Variants in ANKFN1 observed in about 807,000 individuals in gnomAD.
The protein encoded by ANKFN1 is ankyrin repeat and fibronectin type-III domain-containing protein 1.
Under a neutral mutation model 108.7 loss-of-function variants are expected in ANKFN1, and 74 were observed. That is an observed-to-expected ratio of 0.68 (90% CI 0.56 to 0.83). The LOEUF (loss-of-function observed/expected upper bound fraction) is 0.83. ANKFN1 is among the 40% of genes least tolerant of loss of function. The pLI, the probability that ANKFN1 is intolerant of heterozygous loss-of-function variation, is 0.00. For synonymous variants in ANKFN1, 547 were observed against 516.2 expected (o/e 1.06, Z -0.81); for missense variants, 1,505 against 1,382.3 (o/e 1.09, Z -1.41).
chr17:56,169,876 C>T (rs1239443252), intron 1 of ANKFN1, among the ~76,000 whole-genome samples: 1 of 152,178 alleles, frequency 6.6e-6, no homozygotes, highest in Non-Finnish European at 1.5e-5. Context: ...TCCCCTAAGG[C>T]TGCTCTTTGT....
At chr17:56,185,545 G>A (rs879766464) in intron 1 of ANKFN1, among the ~76,000 whole-genome samples, 17 of 152,256 alleles carry the variant, frequency 1.1e-4, no homozygotes, top group Admixed American at 1.1e-3. Flanking sequence ...GTTCTTTGGG[G>A]ACTTAATGTG....
chr17:56,055,582 T>TACACACAC, intron 4 of ANKFN1, among the ~76,000 whole-genome samples: 1 of 112,518 alleles, frequency 8.9e-6, no homozygotes, highest in Admixed American at 8.5e-5. Flanking sequence ...TATATATATA[T>TACACACAC]ATATATGTAT....
intron 4 of ANKFN1, among the ~76,000 whole-genome samples, chr17:56,346,246 A>C (rs965817934): frequency 1.3e-5 from 2 of 152,040 alleles, no homozygotes; most frequent in Non-Finnish European, 2.9e-5. Flanking sequence ...CCGTTGGTCT[A>C]TATCTCTGTT....
intron 4 of ANKFN1, among the ~76,000 whole-genome samples, chr17:56,047,275 G>A (rs1904695160): frequency 6.6e-6 from 1 of 151,794 alleles, no homozygotes; most frequent in Non-Finnish European, 1.5e-5. Context: ...AGGCTTTGAT[G>A]TTTCTCAGCA....
At chr17:56,356,650 T>C (rs1162451418) in intron 6 of ANKFN1, among the ~76,000 whole-genome samples, 1 of 152,188 alleles carries the variant, frequency 6.6e-6, no homozygotes, top group Non-Finnish European at 1.5e-5. Context: ...TTAGTGGAAC[T>C]GGAGGATTTG....
chr17:56,111,659 A>G lies in ANKFN1; in HGVS notation c.288+65334A>G, dbSNP rs192737365. On this transcript the variant is annotated intron_variant, in intron 4 of 12. Coordinates refer to the ANKFN1 transcript ENST00000635860. ...CTTAGGTGACATCTCCCATAGTTCT[A>G]AATTTGTTAAATTACCTGTTTGGGG... Among the ~76,000 whole-genome samples the G allele has an allele frequency of 2.6e-5, 4 of 152,318 alleles. No homozygotes were observed. The East Asian group carries it at 7.7e-4, about 29-fold the overall frequency.
chr17:56,369,990 A>G (rs1375166197), intron 6 of ANKFN1, among the ~76,000 whole-genome samples: 3 of 152,170 alleles, frequency 2.0e-5, no homozygotes, highest in African/African-American at 7.2e-5. Context: ...GACCTATTTA[A>G]TTTCTAAATA....
intron 3 of ANKFN1, chr17:56,258,169 T>C (rs1418450550): frequency 2.0e-5 from 3 of 152,246 alleles, no homozygotes; most frequent in Non-Finnish European, 4.4e-5. Flanking sequence ...TATAGCATTT[T>C]TATTTGCCAT....
intron 6 of ANKFN1, among the ~76,000 whole-genome samples, chr17:56,356,123 C>T (rs759449530): frequency 2.3e-4 from 35 of 152,064 alleles, no homozygotes; most frequent in Non-Finnish European, 4.4e-4. Context: ...GAAAGTTGCA[C>T]TGGGGCTAAT....
intron 4 of ANKFN1, among the ~76,000 whole-genome samples, chr17:56,049,729 T>A (rs1904741868): frequency 6.7e-6 from 1 of 149,216 alleles, no homozygotes; most frequent in African/African-American, 2.5e-5. Context: ...ACTCATCATT[T>A]TTTATGGCTG....
chr17:56,058,317 G>A (rs368030682), intron 4 of ANKFN1, among the ~76,000 whole-genome samples: 5 of 152,254 alleles, frequency 3.3e-5, no homozygotes, highest in African/African-American at 7.2e-5. Flanking sequence ...TTTTAGTGTC[G>A]CCACCTTCAT....
chr17:56,353,923 G>A lies in ANKFN1; in HGVS notation c.478G>A (p.Glu160Lys), dbSNP rs2046311570. Reference protein sequence around the residue: ...VQILLYQYTPEELDLNTPNSE... With the variant: ...VQILLYQYTPKELDLNTPNSE... ...GATCCTCCTGTATCAGTACACACCA[G>A]AAGAACTTGACCTCAACACACCTAA... Residue 160 changes from glutamate (E) to lysine (K), a missense_variant, in exon 6 of 21, where the codon GAA becomes AAA. Physicochemically the swap from Glu to Lys is moderately conservative, Grantham distance 56. Coordinates refer to ENST00000682825, the MANE Select transcript of ANKFN1 (RefSeq NM_001370326.1). 1 of 1,613,884 alleles carries A rather than the reference G, an allele frequency of 6.2e-7. No homozygotes were observed. Among genetic ancestry groups the A allele is most frequent in the Admixed American group, 1.7e-5 (1 of 59,968 alleles).
chr17:56,369,687 C>T (rs1167074932), intron 6 of ANKFN1, among the ~76,000 whole-genome samples: 1 of 152,018 alleles, frequency 6.6e-6, no homozygotes, highest in Non-Finnish European at 1.5e-5. Flanking sequence ...CTTTATAAGT[C>T]AGCTGGTTTA....
intron 3 of ANKFN1, among the ~76,000 whole-genome samples, chr17:56,234,798 T>G (rs1229608787): frequency 1.3e-5 from 2 of 152,206 alleles, no homozygotes; most frequent in Admixed American, 1.3e-4. Flanking sequence ...TTGTGACAGG[T>G]GTTGCAATGA....
intron 8 of ANKFN1, among the ~76,000 whole-genome samples, chr17:56,391,717 C>T (rs555761331): frequency 2.4e-4 from 36 of 152,136 alleles, no homozygotes; most frequent in African/African-American, 7.2e-4. Flanking sequence ...TGAGCCACCG[C>T]GCCTGACCAA....
chr17:56,278,370 G>A (rs957959753), intron 3 of ANKFN1, among the ~76,000 whole-genome samples: 12 of 152,240 alleles, frequency 7.9e-5, no homozygotes, highest in Middle Eastern at 3.4e-3. Context: ...TCCCAAATTA[G>A]GAATTAAGTA....
intron 1 of ANKFN1, among the ~76,000 whole-genome samples, chr17:56,201,899 C>T (rs1914095080): frequency 6.6e-6 from 1 of 152,192 alleles, no homozygotes; most frequent in African/African-American, 2.4e-5. Flanking sequence ...ACCACTACCC[C>T]TGCACTGGAA....
intron 4 of ANKFN1, among the ~76,000 whole-genome samples, chr17:56,125,487 C>T (rs1033066089): frequency 2.0e-5 from 3 of 152,202 alleles, no homozygotes; most frequent in Admixed American, 2.0e-4. Context: ...GTGAGTAGGA[C>T]TTCCATAGTG....
At chr17:56,437,558 C>A (rs1292848830) in intron 8 of ANKFN1, among the ~76,000 whole-genome samples, 1 of 152,048 alleles carries the variant, frequency 6.6e-6, no homozygotes, top group Non-Finnish European at 1.5e-5. Context: ...AATTTCTTTG[C>A]AAATTTGCTA....
Sources: allele counts gnomAD v4.1 joint callset (sites outside exome capture counted in the v4.1 genomes callset), GRCh38; gene constraint gnomAD v4.1.1; transcripts MANE v1.5; gene names NCBI Gene and HGNC (gene_info 2026-07-23, HGNC 2026-07-21).